Variants in SLC30A8 observed in about 807,000 individuals in gnomAD.
The protein encoded by SLC30A8 is solute carrier family 30 member 8.
SLC30A8 carries 27 observed loss-of-function variants against 36.9 expected under a neutral mutation model. The observed-to-expected ratio is 0.73, with a 90% CI of 0.54 to 1.01. SLC30A8 has a LOEUF of 1.01. Among genes scored for constraint, SLC30A8 ranks in the 50% least tolerant of loss-of-function variants. The pLI is 0.00. For synonymous variants in SLC30A8, 164 were observed against 172.4 expected, an observed-to-expected ratio of 0.95 and a Z score of 0.38; for missense variants, 439 against 452.0, an observed-to-expected ratio of 0.97 and a Z score of 0.26.
chr8:117,112,857 C>T (rs192101978), intron 2 of SLC30A8, among the ~76,000 whole-genome samples: 90 of 150,928 alleles, frequency 6.0e-4, no homozygotes, highest in Admixed American at 1.2e-3. Context: ...TGCAGTTTTG[C>T]GGAGTCAGCA....
chr8:116,986,777 C>T (rs1165340408), intron 1 of SLC30A8, among the ~76,000 whole-genome samples: 1 of 152,104 alleles, frequency 6.6e-6, no homozygotes, highest in African/African-American at 2.4e-5. Context: ...TGGATTTTCA[C>T]TGCAACTCAT....
At chr8:117,141,134 C>A (rs1371418056) in intron 1 of SLC30A8, among the ~76,000 whole-genome samples, 1 of 151,978 alleles carries the variant, frequency 6.6e-6, no homozygotes, top group African/African-American at 2.4e-5. Context: ...CAAATTCTTC[C>A]CCAAAATAGA....
rs997264907 is a variant in SLC30A8 at position 117,043,017 on chromosome 8, T to C, written c.-226+3759T>C. On this transcript the variant is annotated intron_variant, in intron 2 of 10. Coordinates refer to the SLC30A8 transcript ENST00000427715. ...ATCTGTCAATTTACAGGGTTACTTA[T>C]GTGAATCAACCTTTATGGAGGGTTT... Among the ~76,000 whole-genome samples the C allele has an allele frequency of 5.9e-5, 9 of 152,328 alleles. No individual in the cohort carries two copies. The South Asian group carries it at 1.7e-3, about 28-fold the overall frequency.
At chr8:117,167,665 T>C (rs1380097052) in intron 6 of SLC30A8, among the ~76,000 whole-genome samples, 4 of 152,096 alleles carry the variant, frequency 2.6e-5, no homozygotes, top group Non-Finnish European at 5.9e-5. Flanking sequence ...ACAGCTGTAA[T>C]TACTCCACAG....
chr8:117,135,498 T>TG, intron 1 of SLC30A8, 100 bp downstream of exon 1: 1 of 784,284 alleles, frequency 1.3e-6, no homozygotes, highest in Non-Finnish European at 2.0e-6. Flanking sequence ...CTCTGCAACT[T>TG]GGGGGCACTC....
intron 2 of SLC30A8, among the ~76,000 whole-genome samples, chr8:117,083,799 G>T (rs1426788678): frequency 6.6e-6 from 1 of 152,022 alleles, no homozygotes; most frequent in African/African-American, 2.4e-5. Context: ...AGCCTTTATT[G>T]TACCAAGCCA....
intron 2 of SLC30A8, among the ~76,000 whole-genome samples, chr8:117,056,410 C>G (rs913578744): frequency 2.0e-5 from 3 of 152,188 alleles, no homozygotes; most frequent in African/African-American, 7.2e-5. Context: ...CTGTGGGGAC[C>G]TTTACCACTC....
chr8:117,097,685 TTATATATAA>T (rs1199088747), intron 2 of SLC30A8, among the ~76,000 whole-genome samples: 1 of 28,510 alleles, frequency 3.5e-5, no homozygotes, highest in Non-Finnish European at 4.5e-5. Flanking sequence ...ATAATATATA[TTATATATAA>T]TATATATAAT....
chr8:117,054,945 G>C (rs1817824717), intron 2 of SLC30A8, among the ~76,000 whole-genome samples: 1 of 152,096 alleles, frequency 6.6e-6, no homozygotes, highest in African/African-American at 2.4e-5. Flanking sequence ...GAGAGCAAAT[G>C]GTTTCTAGTG....
chr8:117,161,784 GA>G lies in SLC30A8; in HGVS notation c.621del (p.Val208TyrfsTer25). ...HQRCLGHNHK[E>X]VQANASVRAA... ...GAGATGCCTTGGCCACAATCACAAG[GA>G]AGTACAAGCCAATGCCAGCGTCAGA... On this transcript the variant is annotated frameshift_variant, in exon 5 of 8. Transcript: ENST00000456015. LOFTEE classifies it high-confidence loss of function. 1 of 1,613,854 alleles carries G rather than the reference GA, an allele frequency of 6.2e-7. No homozygotes were observed. The highest frequency in any genetic ancestry group is 8.5e-7 in the Non-Finnish European group (1 of 1,179,840).
intron 2 of SLC30A8, among the ~76,000 whole-genome samples, chr8:117,052,398 C>T (rs985222591): frequency 6.6e-6 from 1 of 152,180 alleles, no homozygotes; most frequent in African/African-American, 2.4e-5. Flanking sequence ...TGCATCTAGG[C>T]ATTTATTAGA....
intron 6 of SLC30A8, among the ~76,000 whole-genome samples, chr8:117,168,806 A>G (rs1383337007): frequency 2.0e-5 from 3 of 152,164 alleles, no homozygotes; most frequent in African/African-American, 7.2e-5. Context: ...GTATTTGCGT[A>G]ACACTTTATA....
intron 1 of SLC30A8, among the ~76,000 whole-genome samples, chr8:116,967,855 A>G (rs1814650681): frequency 6.6e-6 from 1 of 152,162 alleles, no homozygotes; most frequent in African/African-American, 2.4e-5. Flanking sequence ...TCAAGCTGTA[A>G]TGTCACAAAC....
chr8:117,168,698 A>G (rs115908197), intron 6 of SLC30A8, among the ~76,000 whole-genome samples: 71 of 152,318 alleles, frequency 4.7e-4, no homozygotes, highest in African/African-American at 1.4e-3. Context: ...GCCTAGATGA[A>G]TGATAGCAAG....
chr8:117,132,022 A>G (rs957279303), upstream of SLC30A8, among the ~76,000 whole-genome samples: 3 of 152,122 alleles, frequency 2.0e-5, no homozygotes, highest in Admixed American at 6.6e-5. Flanking sequence ...CTCCACACCA[A>G]CAGGAAAAAG....
chr8:117,080,492 C>G (rs1288493094), intron 2 of SLC30A8, among the ~76,000 whole-genome samples: 1 of 152,104 alleles, frequency 6.6e-6, no homozygotes, highest in Non-Finnish European at 1.5e-5. Flanking sequence ...CTCCCTCTCT[C>G]CCTCCTCTAG....
chr8:117,104,564 C>T (rs1819889181), intron 2 of SLC30A8, among the ~76,000 whole-genome samples: 1 of 152,136 alleles, frequency 6.6e-6, no homozygotes, highest in South Asian at 2.1e-4. Flanking sequence ...TCCTTCTTTA[C>T]TTCTTTCTGA....
At chr8:117,068,856 C>T (rs1048553940) in intron 2 of SLC30A8, among the ~76,000 whole-genome samples, 9 of 152,198 alleles carry the variant, frequency 5.9e-5, no homozygotes, top group East Asian at 1.9e-4. Context: ...GGATTACAGG[C>T]GCGAGCCACT....
At chr8:116,984,874 A>AT (rs564330635) in intron 1 of SLC30A8, among the ~76,000 whole-genome samples, 1 of 151,774 alleles carries the variant, frequency 6.6e-6, no homozygotes, top group Non-Finnish European at 1.5e-5. Context: ...CCAATTTATA[A>AT]TTTTTTTTCT....
Sources: allele counts gnomAD v4.1 joint callset (sites outside exome capture counted in the v4.1 genomes callset), GRCh38; gene constraint gnomAD v4.1.1; transcripts MANE v1.5; gene names NCBI Gene and HGNC (gene_info 2026-07-23, HGNC 2026-07-21).